ZNF385D: variants seen among roughly 807,000 people sequenced by gnomAD.
ZNF385D encodes the protein zinc finger protein 385D.
In ZNF385D, 15 loss-of-function variants were observed where a neutral mutation model predicts 35.8. The ratio of observed to expected loss-of-function variants is 0.42; its 90% CI spans 0.28 to 0.64. The LOEUF is 0.64. Ranked by LOEUF, ZNF385D falls within the 30% of genes least tolerant of loss-of-function variation. The probability of loss-of-function intolerance (pLI) is 0.23; values close to 1 mark genes in which losing one functional copy is unlikely to be tolerated. For synonymous variants in ZNF385D, 212 were observed against 186.8 expected, an observed-to-expected ratio of 1.13 and a Z score of -1.10; for missense variants, 474 against 494.6, an observed-to-expected ratio of 0.96 and a Z score of 0.39.
intron 1 of ZNF385D, among the ~76,000 whole-genome samples, chr3:21,669,633 T>C (rs1347091355): frequency 6.6e-6 from 1 of 152,190 alleles, no homozygotes; most frequent in East Asian, 1.9e-4. Context: ...TCTAAACCAG[T>C]GGTTGTCAGT....
chr3:21,426,428 C>T (rs1019407872), intron 5 of ZNF385D, among the ~76,000 whole-genome samples: 17 of 152,136 alleles, frequency 1.1e-4, no homozygotes, highest in African/African-American at 2.7e-4. Context: ...GATTGTCAAC[C>T]GTTAACAACC....
At chr3:21,624,019 CAT>C (rs2065071871) in intron 2 of ZNF385D, among the ~76,000 whole-genome samples, 1 of 152,024 alleles carries the variant, frequency 6.6e-6, no homozygotes, top group African/African-American at 2.4e-5. Context: ...TTTTCAGAGA[CAT>C]AAATGGATTG....
intron 1 of ZNF385D, among the ~76,000 whole-genome samples, chr3:21,690,184 G>C (rs1005316535): frequency 5.9e-5 from 9 of 151,976 alleles, no homozygotes; most frequent in Non-Finnish European, 8.8e-5. Context: ...ATCTGTATAT[G>C]TTTGTGTTGT....
At chr3:22,085,442 A>C (rs1293517504) in intron 3 of ZNF385D, among the ~76,000 whole-genome samples, 1 of 152,234 alleles carries the variant, frequency 6.6e-6, no homozygotes, top group African/African-American at 2.4e-5. Flanking sequence ...AGAATACTAT[A>C]AACACCTCCA....
chr3:21,819,467 T>G (rs2073297402), intron 3 of ZNF385D, among the ~76,000 whole-genome samples: 1 of 151,256 alleles, frequency 6.6e-6, no homozygotes, highest in Non-Finnish European at 1.5e-5. Context: ...AATCTAGGGC[T>G]GTTAATTAAC....
exon 3 of ZNF385D, chr3:22,168,941 A>C (rs1706511245): frequency 1.0e-6 from 1 of 985,748 alleles, no homozygotes; most frequent in Non-Finnish European, 1.2e-6. Flanking sequence ...TGCACAAAGT[A>C]AAGTTGGTAT....
chr3:22,135,925 C>T (rs1704072769), intron 3 of ZNF385D, among the ~76,000 whole-genome samples: 1 of 152,142 alleles, frequency 6.6e-6, no homozygotes, highest in Non-Finnish European at 1.5e-5. Flanking sequence ...TGCACATCCA[C>T]AGGCAAAAAT....
chr3:22,367,581 C>T (rs1167433757), intron 2 of ZNF385D, among the ~76,000 whole-genome samples: 1 of 130,686 alleles, frequency 7.7e-6, no homozygotes, highest in Admixed American at 8.6e-5. Flanking sequence ...TAACTAAATA[C>T]AATTTTAAAA....
chr3:21,956,641 G>C (rs1702305618), intron 3 of ZNF385D, among the ~76,000 whole-genome samples: 1 of 151,926 alleles, frequency 6.6e-6, no homozygotes, highest in Non-Finnish European at 1.5e-5. Flanking sequence ...TGCATCCTCT[G>C]CCTTTAGGAA....
At chr3:22,289,284 G>T (rs1702174903) in intron 2 of ZNF385D, among the ~76,000 whole-genome samples, 1 of 152,104 alleles carries the variant, frequency 6.6e-6, no homozygotes, top group South Asian at 2.1e-4. Flanking sequence ...ATCAACTCCT[G>T]AATCTAGGTG....
At chr3:21,857,718 T>A (rs1407486915) in intron 3 of ZNF385D, among the ~76,000 whole-genome samples, 3 of 151,932 alleles carry the variant, frequency 2.0e-5, no homozygotes, top group East Asian at 2.0e-4. Flanking sequence ...CTCCTGCCCT[T>A]GACTCTCTTA....
chr3:21,882,088 T>C (rs1332209167), intron 3 of ZNF385D, among the ~76,000 whole-genome samples: 1 of 152,046 alleles, frequency 6.6e-6, no homozygotes, highest in Non-Finnish European at 1.5e-5. Flanking sequence ...CCAAAGGATT[T>C]AGAATATTAC....
chr3:22,186,950 T>C (rs990898445), intron 2 of ZNF385D, among the ~76,000 whole-genome samples: 10 of 152,110 alleles, frequency 6.6e-5, no homozygotes, highest in Non-Finnish European at 1.0e-4. Flanking sequence ...GCACTGCCAA[T>C]GAGGTAGGTA....
intron 4 of ZNF385D, among the ~76,000 whole-genome samples, chr3:21,440,476 G>T (rs1052323805): frequency 6.6e-6 from 1 of 152,084 alleles, no homozygotes; most frequent in African/African-American, 2.4e-5. Context: ...CAGTCTAGAG[G>T]AGCCTAAGGA....
intron 2 of ZNF385D, among the ~76,000 whole-genome samples, chr3:22,238,351 C>T (rs915995894): frequency 6.6e-6 from 1 of 151,172 alleles, no homozygotes; most frequent in Middle Eastern, 3.4e-3. Context: ...CTCCAAAGAA[C>T]ATAGTTGGGA....
intron 3 of ZNF385D, among the ~76,000 whole-genome samples, chr3:21,931,981 C>G (rs930428016): frequency 4.0e-5 from 6 of 151,510 alleles, no homozygotes; most frequent in African/African-American, 1.5e-4. Flanking sequence ...TCCTGGCTAA[C>G]ACGGTGAAAC....
At chr3:22,103,452 G>C (rs1001015506) in intron 3 of ZNF385D, among the ~76,000 whole-genome samples, 2 of 152,116 alleles carry the variant, frequency 1.3e-5, no homozygotes, top group Non-Finnish European at 2.9e-5. Context: ...ATGCCCTAGA[G>C]ATGATACTAT....
At chr3:21,445,050 A>T (rs1218611580) in intron 4 of ZNF385D, among the ~76,000 whole-genome samples, 1 of 152,166 alleles carries the variant, frequency 6.6e-6, no homozygotes, top group Non-Finnish European at 1.5e-5. Flanking sequence ...CTTGACACGA[A>T]TTGTCCAGTC....
At chr3:21,900,907 A>T (rs1699375577) in intron 3 of ZNF385D, among the ~76,000 whole-genome samples, 1 of 152,138 alleles carries the variant, frequency 6.6e-6, no homozygotes, top group Admixed American at 6.6e-5. Flanking sequence ...TAGCCCTCCC[A>T]GGAAAGCACT....
Sources: allele counts gnomAD v4.1 joint callset (sites outside exome capture counted in the v4.1 genomes callset), GRCh38; gene constraint gnomAD v4.1.1; transcripts MANE v1.5; gene names NCBI Gene and HGNC (gene_info 2026-07-23, HGNC 2026-07-21).